CNTNAP2: variants seen among roughly 807,000 people sequenced by gnomAD.
CNTNAP2 encodes the protein contactin-associated protein-like 2.
A neutral mutation model predicts 155.2 loss-of-function variants in CNTNAP2; 98 were observed. The ratio of observed to expected loss-of-function variants is 0.63; its 90% confidence interval spans 0.54 to 0.75. CNTNAP2 has a LOEUF of 0.75. Ranked by LOEUF, CNTNAP2 falls within the 30% of genes least tolerant of loss-of-function variation. CNTNAP2 has a pLI of 0.00. For missense variants in CNTNAP2, 1,727 were observed against 1,688.1 expected, an observed-to-expected ratio of 1.02 and a Z score of -0.40; for synonymous variants, 651 against 631.2, an observed-to-expected ratio of 1.03 and a Z score of -0.47.
At chr7:147,327,339 A>T (rs1435962517) in intron 9 of CNTNAP2, among the ~76,000 whole-genome samples, 1 of 152,188 alleles carries the variant, frequency 6.6e-6, no homozygotes, top group Non-Finnish European at 1.5e-5. Context: ...GTCCAAGTGG[A>T]GATTGGAATC....
chr7:148,359,739 G>A (rs910437106), intron 21 of CNTNAP2, among the ~76,000 whole-genome samples: 24 of 152,166 alleles, frequency 1.6e-4, no homozygotes, highest in Admixed American at 7.9e-4. Context: ...TTTAACAGCA[G>A]GGTAAAGAGA....
rs1797038080 is a variant in CNTNAP2 at position 147,407,954 on chromosome 7, A to G, written c.1670+12174A>G. ...CCATGTCCCATTTCTGAAACAGTCA[A>G]GAGATCATTTAAACTACAGCAACAT... On this transcript the variant is annotated intron_variant, in intron 10 of 23. Coordinates refer to ENST00000361727, the MANE Select transcript of CNTNAP2 (RefSeq NM_014141.6). Among the ~76,000 whole-genome samples the G allele has an allele frequency of 1.3e-5, 2 of 152,360 alleles. 1 individual carries two copies. The highest frequency in any genetic ancestry group is 6.8e-3 in the Middle Eastern group (2 of 294).
chr7:147,584,524 T>G (rs1398385580), intron 12 of CNTNAP2, among the ~76,000 whole-genome samples: 3 of 152,332 alleles, frequency 2.0e-5, no homozygotes, highest in African/African-American at 7.2e-5. Flanking sequence ...AAATTAAAGC[T>G]GTTGATTCAT....
At chr7:146,870,847 ACTTT>A (rs1316490265) in intron 3 of CNTNAP2, among the ~76,000 whole-genome samples, 1 of 152,194 alleles carries the variant, frequency 6.6e-6, no homozygotes, top group African/African-American at 2.4e-5. Flanking sequence ...GAGAATTATA[ACTTT>A]CTAAACAATT....
At chr7:147,774,991 C>G (rs1245033308) in intron 13 of CNTNAP2, among the ~76,000 whole-genome samples, 2 of 151,544 alleles carry the variant, frequency 1.3e-5, no homozygotes, top group Non-Finnish European at 2.9e-5. Flanking sequence ...ACTATGCTGA[C>G]TCTTATACCA....
At chr7:147,045,797 T>G (rs983350515) in intron 4 of CNTNAP2, among the ~76,000 whole-genome samples, 3 of 151,992 alleles carry the variant, frequency 2.0e-5, no homozygotes, top group Non-Finnish European at 2.9e-5. Flanking sequence ...TAACTTTTAG[T>G]AAATAAATAC....
chr7:147,736,597 A>G (rs4342511), intron 13 of CNTNAP2, among the ~76,000 whole-genome samples: 88,592 of 151,984 alleles, frequency 0.58, 28,619 homozygotes, highest in East Asian at 0.9. Context: ...AGTTCTCCTG[A>G]ATAATATTCT....
At chr7:147,432,575 A>T (rs1234063000) in intron 10 of CNTNAP2, among the ~76,000 whole-genome samples, 5 of 152,196 alleles carry the variant, frequency 3.3e-5, no homozygotes, top group Non-Finnish European at 5.9e-5. Flanking sequence ...CCCAGCAAAG[A>T]TTTGTCCAGT....
At chr7:147,648,233 G>A (rs535763301) in intron 13 of CNTNAP2, among the ~76,000 whole-genome samples, 37 of 152,202 alleles carry the variant, frequency 2.4e-4, no homozygotes, top group Admixed American at 9.8e-4. Context: ...AGGAATAATA[G>A]GTCCCAGGAG....
At chr7:148,147,464 T>C in intron 16 of CNTNAP2, 27 bp from the exon 17 acceptor site, 1 of 1,607,278 alleles carries the variant, frequency 6.2e-7, no homozygotes, top group Non-Finnish European at 8.5e-7. Context: ...AAAATACTCA[T>C]GTTTTTCATG....
chr7:147,022,636 T>G (rs1422027432), intron 3 of CNTNAP2, among the ~76,000 whole-genome samples: 1 of 150,472 alleles, frequency 6.6e-6, no homozygotes, highest in African/African-American at 2.4e-5. Context: ...CTAACCTAAA[T>G]ATAAAATAAG....
chr7:146,951,229 T>C (rs1797307093), intron 3 of CNTNAP2, among the ~76,000 whole-genome samples: 1 of 152,234 alleles, frequency 6.6e-6, no homozygotes, highest in Admixed American at 6.5e-5. Context: ...AGAATTTTTC[T>C]CCCATTCTAC....
intron 15 of CNTNAP2, among the ~76,000 whole-genome samples, chr7:147,979,625 T>C (rs916325577): frequency 7.2e-5 from 11 of 152,308 alleles, no homozygotes; most frequent in African/African-American, 2.6e-4. Flanking sequence ...TTTGTTTTGC[T>C]TTATTTTCTT....
At position 146,931,749 on chromosome 7, in the gene CNTNAP2, G is replaced by A. The variant is rs1259057242; in HGVS notation, c.402+91845G>A. 2.7e-5 allele frequency among the ~76,000 whole-genome samples: 4 copies of A among 149,518 alleles called. No homozygotes were observed. The East Asian group carries it at 7.8e-4, about 29-fold the overall frequency. On this transcript the variant is annotated intron_variant, in intron 3 of 23. Transcript: ENST00000361727. ...AATAGACACAATAAAAAATGATAAA[G>A]GGGATATCACCACCGATCCCACAGA...
At chr7:146,483,485 T>C (rs1797009627) in intron 1 of CNTNAP2, among the ~76,000 whole-genome samples, 1 of 150,048 alleles carries the variant, frequency 6.7e-6, no homozygotes, top group Non-Finnish European at 1.5e-5. Context: ...GTCTTATTTT[T>C]AAAGCTTGTT....
intron 1 of CNTNAP2, among the ~76,000 whole-genome samples, chr7:146,149,496 G>A (rs1227436045): frequency 1.3e-5 from 2 of 152,192 alleles, no homozygotes; most frequent in South Asian, 2.1e-4. Flanking sequence ...GACAGTGACA[G>A]CAGCACAGTG....
chr7:148,177,109 C>A (rs1562985058), intron 18 of CNTNAP2, among the ~76,000 whole-genome samples: 1 of 152,176 alleles, frequency 6.6e-6, no homozygotes, highest in Non-Finnish European at 1.5e-5. Flanking sequence ...GTAGAGGCAG[C>A]AATTTCTGTG....
At chr7:147,319,915 AG>A (rs1306835473) in intron 9 of CNTNAP2, among the ~76,000 whole-genome samples, 15 of 152,206 alleles carry the variant, frequency 9.9e-5, no homozygotes, top group African/African-American at 3.6e-4. Context: ...AGGGTCATAT[AG>A]TAAATATTTT....
chr7:147,195,530 A>G (rs1041665600), intron 8 of CNTNAP2, among the ~76,000 whole-genome samples: 2 of 152,100 alleles, frequency 1.3e-5, no homozygotes, highest in East Asian at 3.9e-4. Flanking sequence ...GGCTAATTTC[A>G]CAATATTTCC....
Sources: gnomAD v4.1 joint callset for allele counts (sites outside exome capture counted in the v4.1 genomes callset) on GRCh38, gnomAD v4.1.1 for gene constraint, MANE v1.5 for transcripts, NCBI Gene and HGNC (gene_info 2026-07-23, HGNC 2026-07-21) for gene names.